The following GPR173 variants were observed in gnomAD, a reference collection of about 807,000 sequenced individuals.
The protein encoded by GPR173 is G protein-coupled receptor 173.
A neutral mutation model predicts 13.9 loss-of-function variants in GPR173; 2 were observed. The ratio of observed to expected loss-of-function variants is 0.14; its 90% confidence interval spans 0.06 to 0.45. The LOEUF (loss-of-function observed/expected upper bound fraction) is 0.45, where lower values mean the gene tolerates loss of function less well. Ranked by LOEUF, GPR173 falls within the 20% of genes least tolerant of loss-of-function variation. The probability of loss-of-function intolerance (pLI) is 0.98; values close to 1 mark genes in which losing one functional copy is unlikely to be tolerated. For missense variants in GPR173, 202 were observed against 340.5 expected (o/e 0.59, Z 3.20); for synonymous variants, 131 against 141.0 (o/e 0.93, Z 0.50).
chrX:53,073,245 CACCAGGT>C (rs1339119653), intron 1 of GPR173, among the ~76,000 whole-genome samples: 3 of 107,327 alleles, frequency 2.8e-5, no homozygotes, highest in African/African-American at 1.0e-4. Flanking sequence ...AAAGGCCGGG[CACCAGGT>C]GGCTGTGGCA....
intron 1 of GPR173, among the ~76,000 whole-genome samples, chrX:53,061,369 G>A (rs1358408897): frequency 9.0e-6 from 1 of 111,721 alleles, no homozygotes; most frequent in African/African-American, 3.3e-5. Flanking sequence ...TTGTGTGTCT[G>A]TATATGAGTG....
intron 1 of GPR173, among the ~76,000 whole-genome samples, chrX:53,070,051 G>A (rs945171455): frequency 1.8e-5 from 2 of 111,191 alleles, no homozygotes; most frequent in Admixed American, 9.6e-5. Context: ...GTTCAAGTGC[G>A]TGTCAGCCTG....
Position 53,077,153 on chromosome X carries a change from C to A in GPR173, c.532C>A (p.His178Asn). Reference sequence around the variant, plus strand: ...GGAGGAGGACCAGTGCATCTTTGAGCATCGCTACTTCAAGGCCAATGACAC... The same window carrying A: ...GGAGGAGGACCAGTGCATCTTTGAGAATCGCTACTTCAAGGCCAATGACAC... ...IREEDQCIFE[H>N]RYFKANDTLG... is the part of the protein sequence containing the mutation. The change falls in exon 2 of 2, where the codon CAT becomes AAT. Residue 178 changes from histidine (H) to asparagine (N), a missense_variant. By Grantham distance (68) the His-to-Asn change is moderately conservative (BLOSUM62 1). This residue lies in a region of GPR173 where 28 missense variants were observed against 87.0 expected (regional missense o/e 0.32). Coordinates refer to ENST00000332582, the MANE Select transcript of GPR173 (RefSeq NM_018969.6). 1 of 1,208,048 alleles carries A rather than the reference C, an allele frequency of 8.3e-7. No homozygotes were observed. The highest frequency in any genetic ancestry group is 1.1e-6 in the Non-Finnish European group (1 of 892,502).
intron 1 of GPR173, among the ~76,000 whole-genome samples, chrX:53,051,737 G>A (rs1055726946): frequency 2.7e-5 from 3 of 111,340 alleles, no homozygotes; most frequent in Non-Finnish European, 3.8e-5. Flanking sequence ...TTGAGTGTAC[G>A]TGTCTGGTTG....
chrX:53,054,019 G>A (rs1017490408), intron 1 of GPR173, among the ~76,000 whole-genome samples: 1 of 112,185 alleles, frequency 8.9e-6, no homozygotes, highest in Non-Finnish European at 1.9e-5. Context: ...AGAGTAGAGT[G>A]GCATTGTATG....
At chrX:53,075,087 CTT>C (rs1418862485) in intron 1 of GPR173, among the ~76,000 whole-genome samples, 1 of 107,106 alleles carries the variant, frequency 9.3e-6, no homozygotes, top group Non-Finnish European at 1.9e-5. Flanking sequence ...ACCTCACCAC[CTT>C]TCTGACCTCA....
intron 1 of GPR173, among the ~76,000 whole-genome samples, chrX:53,072,579 C>G (rs1392435413): frequency 9.1e-6 from 1 of 109,894 alleles, no homozygotes; most frequent in African/African-American, 3.3e-5. Context: ...GTCTCTTTCT[C>G]CCTCCTGTGT....
At chrX:53,065,441 G>A (rs1395399465) in intron 1 of GPR173, 1 of 112,107 alleles carries the variant, frequency 8.9e-6, no homozygotes, top group East Asian at 2.8e-4. Context: ...AGTATGGCTG[G>A]TGCTTTCACA....
intron 1 of GPR173, among the ~76,000 whole-genome samples, chrX:53,051,013 C>G (rs1030588222): frequency 1.8e-5 from 2 of 112,330 alleles, no homozygotes; most frequent in Non-Finnish European, 3.8e-5. Context: ...TATGTGTCTC[C>G]CTGTTGAGGG....
chrX:53,059,927 G>A (rs989140291), intron 1 of GPR173, among the ~76,000 whole-genome samples: 2 of 106,424 alleles, frequency 1.9e-5, no homozygotes, highest in African/African-American at 6.8e-5. Flanking sequence ...GTTCAAGGCT[G>A]CAGAGAACCA....
chrX:53,056,829 C>G (rs1260623823), intron 1 of GPR173, among the ~76,000 whole-genome samples: 1 of 111,243 alleles, frequency 9.0e-6, no homozygotes, highest in Non-Finnish European at 1.9e-5. Flanking sequence ...ATGTATGTGA[C>G]TAGGTGCGTG....
intron 1 of GPR173, among the ~76,000 whole-genome samples, chrX:53,074,672 T>G (rs1315467915): frequency 1.2e-5 from 1 of 84,536 alleles, no homozygotes; most frequent in Middle Eastern, 6.9e-3. Context: ...TTATATATAT[T>G]TATTTATAAA....
At chrX:53,052,479 G>A (rs1931970698) in intron 1 of GPR173, among the ~76,000 whole-genome samples, 1 of 110,916 alleles carries the variant, frequency 9.0e-6, no homozygotes, top group Non-Finnish European at 1.9e-5. Flanking sequence ...GTGATTGTGA[G>A]TGTATATGTG....
chrX:53,059,096 C>A (rs1354933069), intron 1 of GPR173, among the ~76,000 whole-genome samples: 2 of 105,318 alleles, frequency 1.9e-5, no homozygotes, highest in East Asian at 3.0e-4. Context: ...AAAAATACAA[C>A]AAATTAGCCG....
At position 53,077,734 on chromosome X, in the gene GPR173, T is replaced by G; in HGVS notation, c.1113T>G (p.Cys371Trp). 1 of 1,204,879 alleles carries G rather than the reference T, an allele frequency of 8.3e-7. No individual in the cohort carries two copies. Among genetic ancestry groups the G allele is most frequent in the Non-Finnish European group, 1.1e-6 (1 of 891,276 alleles). ...CCCCGGCTCCCAGAGAACCCTACTG[T>G]GTCATGTGAAGCAGGCTGGTAGGCA... is the stretch of plus-strand genomic sequence containing the variant. ...GGAPAPREPY[C>W]VM The change falls in exon 2 of 2, where the codon TGT (cysteine) becomes TGG (tryptophan). Residue 371 changes from cysteine to tryptophan, a missense_variant. Coordinates refer to ENST00000332582, the MANE Select transcript of GPR173 (RefSeq NM_018969.6).
chrX:53,077,179 G>T lies in GPR173; in HGVS notation c.558G>T (p.Thr186=), dbSNP rs782654882. ...ATCGCTACTTCAAGGCCAATGACAC[G>T]CTGGGCTTCATGCTTATGTTGGCTG... ...FEHRYFKAND[T]LGFMLMLAVL... is the part of the protein sequence containing the mutation. The change falls in exon 2 of 2, where the codon ACG becomes ACT. Residue 186 remains threonine (T), a synonymous_variant. Transcript: ENST00000332582. 7 of 1,204,005 alleles carry T rather than the reference G, an allele frequency of 5.8e-6. No homozygotes were observed. The highest frequency in any genetic ancestry group is 5.2e-5 in the African/African-American group (3 of 57,505).
chrX:53,072,393 G>GCTCTCTCTCTCTCTCTCTCTCTCT (rs111935395), intron 1 of GPR173, among the ~76,000 whole-genome samples: 1 of 90,072 alleles, frequency 1.1e-5, no homozygotes, highest in African/African-American at 4.4e-5. Context: ...TCTCTCTCTT[G>GCTCTCTCTCTCTCTCTCTCTCTCT]CTCTCTCTCT....
intron 1 of GPR173, among the ~76,000 whole-genome samples, chrX:53,063,471 C>T (rs1226726276): frequency 1.8e-5 from 2 of 110,974 alleles, no homozygotes; most frequent in African/African-American, 6.6e-5. Context: ...CTTCCTTCTA[C>T]CCATATTAGT....
intron 1 of GPR173, among the ~76,000 whole-genome samples, chrX:53,074,732 T>A (rs1235318896): frequency 1.1e-5 from 1 of 93,427 alleles, no homozygotes; most frequent in African/African-American, 4.0e-5. Context: ...TATTTGTATT[T>A]ATATATAAAT....
Sources: allele counts gnomAD v4.1 joint callset (sites outside exome capture counted in the v4.1 genomes callset), GRCh38; gene constraint gnomAD v4.1.1; regional missense constraint gnomAD v4.1.1; transcripts MANE v1.5; gene names NCBI Gene and HGNC (gene_info 2026-07-23, HGNC 2026-07-21).